Variants in GPM6A observed in about 807,000 individuals in gnomAD.
GPM6A encodes neuronal membrane glycoprotein M6-a.
Under a neutral mutation model 32.1 loss-of-function variants are expected in GPM6A, and 7 were observed. The ratio of observed to expected loss-of-function variants is 0.22; its 90% CI spans 0.12 to 0.41. The LOEUF (loss-of-function observed/expected upper bound fraction) is 0.41, where lower values mean the gene tolerates loss of function less well. GPM6A is among the 10% of genes least tolerant of loss of function. GPM6A has a pLI of 1.00. For missense variants in GPM6A, 235 were observed against 347.2 expected, an observed-to-expected ratio of 0.68 and a Z score of 2.57; for synonymous variants, 130 against 123.4, an observed-to-expected ratio of 1.05 and a Z score of -0.35.
intron 1 of GPM6A, among the ~76,000 whole-genome samples, chr4:175,728,786 C>G (rs988287282): frequency 1.3e-5 from 2 of 152,206 alleles, no homozygotes; most frequent in Non-Finnish European, 2.9e-5. Context: ...TCCTTTCAAT[C>G]TGTAGCCTTT....
chr4:175,842,917 T>C (rs1735984154), intron 1 of GPM6A, among the ~76,000 whole-genome samples: 1 of 151,796 alleles, frequency 6.6e-6, no homozygotes, highest in South Asian at 2.1e-4. Flanking sequence ...GCTTACCTAA[T>C]TATAAAAATG....
chr4:175,881,092 C>G (rs907273329), intron 1 of GPM6A, among the ~76,000 whole-genome samples: 7 of 152,076 alleles, frequency 4.6e-5, no homozygotes, highest in Non-Finnish European at 8.8e-5. Flanking sequence ...GCAATCTACT[C>G]ATCTGACAAA....
intron 1 of GPM6A, chr4:175,961,211 A>T (rs1247865658): frequency 6.6e-6 from 1 of 152,202 alleles, no homozygotes; most frequent in Non-Finnish European, 1.5e-5. Context: ...AAATATGCAA[A>T]TTTTCAAAAT....
chr4:175,954,793 A>G (rs998318099), intron 1 of GPM6A, among the ~76,000 whole-genome samples: 1 of 152,212 alleles, frequency 6.6e-6, no homozygotes, highest in Non-Finnish European at 1.5e-5. Flanking sequence ...TATTTTCTAC[A>G]TATCTAGGGC....
chr4:175,676,385 G>T (rs1743367431), intron 2 of GPM6A, among the ~76,000 whole-genome samples: 3 of 152,116 alleles, frequency 2.0e-5, no homozygotes, highest in African/African-American at 7.2e-5. Context: ...GTTTCATAAA[G>T]ACAGAAGTTT....
chr4:175,870,385 G>T (rs1171266089), intron 1 of GPM6A, among the ~76,000 whole-genome samples: 1 of 152,020 alleles, frequency 6.6e-6, no homozygotes, highest in African/African-American at 2.4e-5. Flanking sequence ...CTACCTTGTT[G>T]ACACTGAACA....
intron 1 of GPM6A, among the ~76,000 whole-genome samples, chr4:175,869,465 C>A (rs1736837399): frequency 1.3e-5 from 2 of 151,560 alleles, no homozygotes; most frequent in African/African-American, 4.8e-5. Flanking sequence ...TAAAAAAAAA[C>A]AACAAAACTA....
rs114721674 is a variant in GPM6A, at chr4:175,827,905, G to C, written c.-22-15656C>G. Among the ~76,000 whole-genome samples, 603 of 152,210 alleles carry C rather than the reference G, an allele frequency of 4.0e-3. 3 individuals carry two copies. Among genetic ancestry groups the C allele is most frequent in the African/African-American group, 0.013 (548 of 41,534 alleles). On this transcript the variant is annotated intron_variant, in intron 1 of 7. Coordinates refer to the GPM6A transcript ENST00000280187. ...TGCTTCTTCCTCTGGCCTCAAATGT[G>C]GTGTCAGTTCAAATAATTTATTCTC...
In GPM6A at chr4:175,637,729, T is replaced by G. The variant is rs2877884; in HGVS notation, c.684+2400A>C. On this transcript the variant is annotated intron_variant, in intron 6 of 6. Transcript: ENST00000393658. Reference sequence around the variant, plus strand: ...ATTATATATATTTATATATAATATATTATATATTATATAAAAATATAATAT... The same window carrying G: ...ATTATATATATTTATATATAATATAGTATATATTATATAAAAATATAATAT... Among the ~76,000 whole-genome samples the G allele has an allele frequency of 3.8e-3, 154 of 40,996 alleles. 1 individual carries two copies. The highest frequency in any genetic ancestry group is 0.016 in the African/African-American group (150 of 9,418). 26.9% of individuals were successfully genotyped at this position (40,996 alleles called of 152,430 possible). A position where few individuals can be genotyped will look rare whatever the true frequency, so the allele number is the denominator to read the frequency against.
chr4:175,799,104 C>T (rs370947429), intron 1 of GPM6A, among the ~76,000 whole-genome samples: 56 of 152,188 alleles, frequency 3.7e-4, no homozygotes, highest in Admixed American at 9.8e-4. Flanking sequence ...TGGGAAACAA[C>T]ATTGTTCTTT....
chr4:175,654,414 A>G (rs1741964990), intron 3 of GPM6A: 1 of 152,194 alleles, frequency 6.6e-6, no homozygotes, highest in Non-Finnish European at 1.5e-5. Context: ...GAGATAATGC[A>G]TGAAAAGCAT....
chr4:175,726,551 T>C (rs1457889230), intron 1 of GPM6A, among the ~76,000 whole-genome samples: 3 of 152,216 alleles, frequency 2.0e-5, no homozygotes, highest in Non-Finnish European at 4.4e-5. Context: ...TAATGGAAAC[T>C]ATGCTGAAGC....
intron 3 of GPM6A, among the ~76,000 whole-genome samples, chr4:175,654,671 C>A (rs1167122591): frequency 6.6e-6 from 1 of 152,064 alleles, no homozygotes; most frequent in Non-Finnish European, 1.5e-5. Flanking sequence ...TAGAAGAAAG[C>A]CTCCAGAAAT....
At chr4:175,817,214 A>G (rs1579536091), upstream of GPM6A, among the ~76,000 whole-genome samples, 1 of 152,260 alleles carries the variant, frequency 6.6e-6, no homozygotes, top group Non-Finnish European at 1.5e-5. Flanking sequence ...TTTTCAGTCC[A>G]TTATAAAATG....
chr4:175,907,607 C>T (rs915465083), intron 1 of GPM6A, among the ~76,000 whole-genome samples: 5 of 152,168 alleles, frequency 3.3e-5, no homozygotes, highest in African/African-American at 9.6e-5. Flanking sequence ...CTCTCACCTT[C>T]TCTTGCCCTT....
intron 1 of GPM6A, among the ~76,000 whole-genome samples, chr4:175,702,585 GCTCA>G (rs1285014174): frequency 6.6e-6 from 1 of 152,042 alleles, no homozygotes; most frequent in Non-Finnish European, 1.5e-5. Flanking sequence ...AACAATCTCG[GCTCA>G]CTGCAATCTC....
chr4:175,984,403 T>C (rs1740910624), intron 1 of GPM6A, among the ~76,000 whole-genome samples: 2 of 152,154 alleles, frequency 1.3e-5, no homozygotes, highest in Admixed American at 1.3e-4. Context: ...GACCTTGTGA[T>C]CTACCCACCT....
upstream of GPM6A, chr4:175,812,793 T>C: frequency 1.0e-6 from 1 of 985,458 alleles, no homozygotes; most frequent in Non-Finnish European, 1.2e-6. Flanking sequence ...GCTGCAGCAG[T>C]GGCTTCTCAC....
intron 1 of GPM6A, among the ~76,000 whole-genome samples, chr4:175,723,894 TTAA>T (rs1204193361): frequency 2.0e-5 from 3 of 152,180 alleles, no homozygotes; most frequent in Non-Finnish European, 2.9e-5. Context: ...TTGTCATTTG[TTAA>T]TGTTATTTGT....
Sources: gnomAD v4.1 joint callset for allele counts (sites outside exome capture counted in the v4.1 genomes callset) on GRCh38, gnomAD v4.1.1 for gene constraint, MANE v1.5 for transcripts, NCBI Gene and HGNC (gene_info 2026-07-23, HGNC 2026-07-21) for gene names.